The following PCDHGA6 variants were observed in gnomAD, a reference collection of about 807,000 sequenced individuals.
PCDHGA6 encodes the protein protocadherin gamma subfamily A, 6, also known as protocadherin gamma-A6.
PCDHGA6 carries 41 observed loss-of-function variants against 60.6 expected under a neutral mutation model. The ratio of observed to expected loss-of-function variants is 0.68; its 90% CI spans 0.53 to 0.88. The LOEUF is 0.88. PCDHGA6 is among the 40% of genes least tolerant of loss of function. PCDHGA6 has a pLI of 0.00. For synonymous variants in PCDHGA6, 594 were observed against 524.4 expected, an observed-to-expected ratio of 1.13 and a Z score of -1.81; for missense variants, 1,312 against 1,203.0, an observed-to-expected ratio of 1.09 and a Z score of -1.34.
chr5:141,507,368 T>C (rs1446319165), intron 3 of PCDHGA6: 2 of 152,094 alleles, frequency 1.3e-5, no homozygotes, highest in Non-Finnish European at 2.9e-5. Context: ...GGGAGCCCTG[T>C]ACTTTTATTT....
chr5:141,381,977 G>A lies in PCDHGA6; in HGVS notation c.2424+5470G>A, dbSNP rs61025717. Among the ~76,000 whole-genome samples, 1,494 of 151,364 alleles carry A rather than the reference G, an allele frequency of 9.9e-3. 24 individuals are homozygous for A. The highest frequency in any genetic ancestry group is 0.034 in the African/African-American group (1,395 of 41,190). On this transcript the variant is annotated intron_variant, in intron 1 of 3. Coordinates refer to ENST00000517434, the MANE Select transcript of PCDHGA6 (RefSeq NM_018919.3). ...CCTGAGTAGCTGGGATTACAGGCGC[G>A]CGCCACCACGCCCGGATAATTTTGT...
intron 1 of PCDHGA6, chr5:141,400,422 TA>T: frequency 6.2e-7 from 1 of 1,614,054 alleles, no homozygotes; most frequent in Non-Finnish European, 8.5e-7. Context: ...TCCTAAAATG[TA>T]GTGAGCAATT....
At position 141,429,387 on chromosome 5, in the gene PCDHGA6, TAAAAA is replaced by T. The variant is rs11410533; in HGVS notation, c.2424+52884_2424+52888del. On this transcript the variant is annotated intron_variant, in intron 1 of 3. Transcript: ENST00000517434. ...AAATGGAGAAAATGTGTTTTTTTTT[TAAAAA>T]AAATTGAGATTAAGGTCTCATTATG... 8.8e-4 allele frequency among the ~76,000 whole-genome samples: 134 copies of T among 151,448 alleles called. 1 individual carries two copies. Among genetic ancestry groups the T allele is most frequent in the Non-Finnish European group, 1.5e-3 (103 of 67,818 alleles).
chr5:141,404,021 A>G, intron 1 of PCDHGA6: 1 of 1,613,894 alleles, frequency 6.2e-7, no homozygotes, highest in Non-Finnish European at 8.5e-7. Flanking sequence ...TAGCCCAGTG[A>G]GAGAAGACGC....
intron 1 of PCDHGA6, chr5:141,394,839 G>A (rs1190397731): frequency 6.2e-7 from 1 of 1,613,834 alleles, no homozygotes; most frequent in Non-Finnish European, 8.5e-7. Context: ...GACCGAGTTG[G>A]GCAGTCTGAA....
In PCDHGA6 at chr5:141,418,449, A is replaced by G. The variant is rs781224972; in HGVS notation, c.2424+41942A>G. ...GGCAAATATCCAGAATTAGTATTGC[A>G]GAAGACTCTGGACCGAGAAACGCAG... On this transcript the variant is annotated intron_variant, in intron 1 of 3. Coordinates refer to ENST00000517434, the MANE Select transcript of PCDHGA6 (RefSeq NM_018919.3). 8.1e-6 allele frequency: 13 copies of G among 1,613,922 alleles called. No homozygotes were observed. The Admixed American group carries it at 1.2e-4, about 14-fold the overall frequency.
intron 1 of PCDHGA6, among the ~76,000 whole-genome samples, chr5:141,481,161 A>G (rs2099532805): frequency 6.6e-6 from 1 of 152,230 alleles, no homozygotes; most frequent in African/African-American, 2.4e-5. Flanking sequence ...GTATTTGCAG[A>G]ACCAGAATCC....
chr5:141,427,052 C>T (rs79280874), intron 1 of PCDHGA6: 9,800 of 457,514 alleles, frequency 0.021, 162 homozygotes, highest in Middle Eastern at 0.051. Flanking sequence ...TGCCCCCAGG[C>T]ACCTCTGTAC....
chr5:141,438,591 C>CATAT (rs946798767), intron 1 of PCDHGA6, among the ~76,000 whole-genome samples: 211 of 75,392 alleles, frequency 2.8e-3, no homozygotes, highest in Non-Finnish European at 4.1e-3. Context: ...TACATACATA[C>CATAT]ATATATATAT....
chr5:141,423,082 G>A (rs1390567548), intron 1 of PCDHGA6: 3 of 1,614,078 alleles, frequency 1.9e-6, no homozygotes, highest in Admixed American at 1.7e-5. Flanking sequence ...GGGACTCTTC[G>A]CGGTGGGGGA....
At chr5:141,386,797 T>G (rs771279831) in intron 1 of PCDHGA6, among the ~76,000 whole-genome samples, 1 of 152,124 alleles carries the variant, frequency 6.6e-6, no homozygotes, top group Non-Finnish European at 1.5e-5. Flanking sequence ...TGACCAAAAT[T>G]TATTAGATGC....
In PCDHGA6 at chr5:141,403,112, C is replaced by CT. The variant is rs765071462; in HGVS notation, c.2424+26606dup. The CT allele has an allele frequency of 3.1e-6, 5 of 1,614,074 alleles. No individual in the cohort carries two copies. In the South Asian group the frequency reaches 5.5e-5, roughly 18 times the overall value. On this transcript the variant is annotated intron_variant, in intron 1 of 3. Transcript: ENST00000517434. Reference sequence around the variant, plus strand: ...GGGCAACATCTCCAAGGACCTGGCTCTGGAGCCCCGGGAGCTGGCGGAGCG... The same window carrying CT: ...GGGCAACATCTCCAAGGACCTGGCTCTTGGAGCCCCGGGAGCTGGCGGAGCG...
At chr5:141,434,364 A>G (rs1023051594) in intron 1 of PCDHGA6, among the ~76,000 whole-genome samples, 1 of 152,208 alleles carries the variant, frequency 6.6e-6, no homozygotes, top group Non-Finnish European at 1.5e-5. Context: ...AAATCTGGCC[A>G]TAAACTGGCC....
rs372994272 is a variant in PCDHGA6, at chr5:141,485,358, G to C, written c.2425-9449G>C. On this transcript the variant is annotated intron_variant, in intron 1 of 3. Coordinates refer to ENST00000517434, the MANE Select transcript of PCDHGA6 (RefSeq NM_018919.3). This position sits in a 1 kb window ranked among gnomAD's most constrained non-coding sequence, Gnocchi z 5.7. ...CTGGATACGGACAGTCTGTCAGCTC[G>C]CAGGCTGCAGGTCGCTGGAGAGGTG... is the stretch of plus-strand genomic sequence containing the variant. 3.1e-6 allele frequency: 5 copies of C among 1,613,982 alleles called. No homozygotes were observed. Among genetic ancestry groups the C allele is most frequent in the Non-Finnish European group, 4.2e-6 (5 of 1,180,014 alleles).
chr5:141,492,557 G>A (rs2154587614), intron 1 of PCDHGA6, among the ~76,000 whole-genome samples: 1 of 152,350 alleles, frequency 6.6e-6, no homozygotes, highest in East Asian at 1.9e-4. Flanking sequence ...TCGCCTGGGG[G>A]GCGGCCTGAG....
At chr5:141,420,234 T>G (rs766733064) in intron 1 of PCDHGA6, 1 of 1,600,030 alleles carries the variant, frequency 6.2e-7, no homozygotes, top group Non-Finnish European at 8.5e-7. Flanking sequence ...GCTAGCATTT[T>G]AACTCCCAGC....
chr5:141,419,846 G>T (rs1407937968), intron 1 of PCDHGA6: 2 of 1,614,066 alleles, frequency 1.2e-6, no homozygotes, highest in Non-Finnish European at 1.7e-6. Context: ...GCTGCACCTG[G>T]TGTTCGCAGA....
rs369551410 is a variant in PCDHGA6, at chr5:141,415,294, G to A, written c.2424+38787G>A. ...GGTAGCGGTGGCCGCGGTCTCCTGC[G>A]TCTTCCTGGCCTTCGTCATCGTGCT... On this transcript the variant is annotated intron_variant, in intron 1 of 3. Transcript: ENST00000517434. 10 of 1,614,050 alleles carry A rather than the reference G, an allele frequency of 6.2e-6. No homozygotes were observed. In the African/African-American group the frequency reaches 1.1e-4, roughly 17 times the overall value.
In PCDHGA6 at chr5:141,395,543, TG is replaced by T. The variant is rs1247307480; in HGVS notation, c.2424+19037del. 6.3e-3 allele frequency: 52 copies of T among 8,206 alleles called. 1 individual carries two copies. The highest frequency in any genetic ancestry group is 0.048 in the African/African-American group (46 of 952). 0.5% of individuals were successfully genotyped at this position (8,206 alleles called of 1,614,324 possible). On this transcript the variant is annotated intron_variant, in intron 1 of 3. Coordinates refer to ENST00000517434, the MANE Select transcript of PCDHGA6 (RefSeq NM_018919.3). ...CCATACTGGTAATTTTGCTATTGTT[TG>T]TGTGTGTGTGTGTGTGTGTGTGTGT...
Sources: gnomAD v4.1 joint callset for allele counts (sites outside exome capture counted in the v4.1 genomes callset) on GRCh38, gnomAD v4.1.1 for gene constraint, Gnocchi (gnomAD v3.1) non-coding constraint, MANE v1.5 for transcripts, NCBI Gene and HGNC (gene_info 2026-07-23, HGNC 2026-07-21) for gene names.